RDH10: variants seen among roughly 807,000 people sequenced by gnomAD.
The protein encoded by RDH10 is retinol dehydrogenase 10, also known as retinol dehydrogenase 10 (all-trans).
Under a neutral mutation model 30.2 loss-of-function variants are expected in RDH10, and 12 were observed. The observed-to-expected ratio is 0.40, with a 90% confidence interval of 0.25 to 0.64. The LOEUF (loss-of-function observed/expected upper bound fraction) is 0.64, where lower values mean the gene tolerates loss of function less well. Ranked by LOEUF, RDH10 falls within the 30% of genes least tolerant of loss-of-function variation. The pLI is 0.43. For synonymous variants in RDH10, 189 were observed against 172.2 expected, an observed-to-expected ratio of 1.10 and a Z score of -0.76; for missense variants, 268 against 445.2, an observed-to-expected ratio of 0.60 and a Z score of 3.58.
chr8:73,314,563 C>T (rs1027551720), intron 2 of RDH10, among the ~76,000 whole-genome samples: 1 of 152,152 alleles, frequency 6.6e-6, no homozygotes, highest in Non-Finnish European at 1.5e-5. Context: ...AAAAGAAACC[C>T]GAGTGGTCCT....
chr8:73,323,279 A>G lies in RDH10; in HGVS notation c.*243A>G. 2.7e-6 allele frequency: 1 copy of G among 369,852 alleles called. No individual in the cohort carries two copies. Among genetic ancestry groups the G allele is most frequent in the South Asian group, 3.3e-5 (1 of 30,256 alleles). The allele number at this position is 369,852 out of a possible 1,614,324, so 22.9% of individuals were successfully genotyped here. On this transcript the variant is annotated 3_prime_UTR_variant, in exon 6 of 6. Transcript: ENST00000240285. ...TAGGCAGAACCCAGAAACCAGTCAA[A>G]TCTGTAGAGAAGCAGTGTGACATCT...
At chr8:73,320,627 A>G (rs1452412368) in intron 3 of RDH10, among the ~76,000 whole-genome samples, 1 of 151,752 alleles carries the variant, frequency 6.6e-6, no homozygotes, top group African/African-American at 2.4e-5. Context: ...CAGGCCCACC[A>G]TGCCCAGCTA....
At chr8:73,303,853 T>C (rs757906745) in intron 2 of RDH10, among the ~76,000 whole-genome samples, 7 of 152,186 alleles carry the variant, frequency 4.6e-5, no homozygotes, top group African/African-American at 1.7e-4. Flanking sequence ...TGATAAAATA[T>C]CACTTTACAT....
At chr8:73,300,524 AG>A (rs1297109190) in intron 2 of RDH10, 1 of 152,260 alleles carries the variant, frequency 6.6e-6, no homozygotes, top group African/African-American at 2.4e-5. Context: ...AGCTGAGCAA[AG>A]AACTGTTCAG....
In RDH10 at chr8:73,308,143, T is replaced by C. The variant is rs145554028; in HGVS notation, c.525+10714T>C. On this transcript the variant is annotated intron_variant, in intron 2 of 5. Coordinates refer to ENST00000240285, the MANE Select transcript of RDH10 (RefSeq NM_172037.5). ...AAAAGTCACGAATGGATAGGGCTCT[T>C]CTACAAGGACTGGCTGAACAAAGTT... Among the ~76,000 whole-genome samples the C allele has an allele frequency of 5.5e-4, 84 of 152,350 alleles. 2 individuals are homozygous for C. Among genetic ancestry groups the C allele is most frequent in the African/African-American group, 1.9e-3 (81 of 41,576 alleles).
intron 2 of RDH10, among the ~76,000 whole-genome samples, chr8:73,306,046 C>T (rs1814458869): frequency 6.6e-6 from 1 of 152,348 alleles, no homozygotes; most frequent in African/African-American, 2.4e-5. Context: ...TGGAAAATAA[C>T]TCAGAAGATG....
chr8:73,300,097 G>A (rs1372284515), intron 2 of RDH10, among the ~76,000 whole-genome samples: 1 of 152,136 alleles, frequency 6.6e-6, no homozygotes, highest in Non-Finnish European at 1.5e-5. Flanking sequence ...ACGTCACTTT[G>A]TATTAAAATA....
Position 73,322,970 on chromosome 8 carries a change from T to C in RDH10, c.960T>C (p.Cys320=). 6.2e-7 allele frequency: 1 copy of C among 1,613,866 alleles called. No individual in the cohort carries two copies. Among genetic ancestry groups the C allele is most frequent in the Non-Finnish European group, 8.5e-7 (1 of 1,179,738 alleles). The change falls in exon 6 of 6, where the codon TGT becomes TGC. Residue 320 remains cysteine, a synonymous_variant. Coordinates refer to ENST00000240285, the MANE Select transcript of RDH10 (RefSeq NM_172037.5). ...ATCGGTTCCTAGGAGCGGACAAGTG[T>C]ATGTACCCCTTTATTGCTCAAAGAA... ...CMYRFLGADK[C]MYPFIAQRKQ...
rs575924387 is a variant in RDH10, at chr8:73,323,505, A to G, written c.*469A>G. 1.9e-5 allele frequency: 3 copies of G among 158,104 alleles called. No individual in the cohort carries two copies. Among genetic ancestry groups the G allele is most frequent in the South Asian group, 3.6e-4 (2 of 5,512 alleles). The allele number at this position is 158,104 out of a possible 1,614,324, so 9.8% of individuals were successfully genotyped here. A position where few individuals can be genotyped will look rare whatever the true frequency, so the allele number is the denominator to read the frequency against. Reference sequence around the variant, plus strand: ...TCTAAGTTTCCGTTTTGCAAGGCCTAGGTGACTTTTTCATGGTGTTTGTAT... The same window carrying G: ...TCTAAGTTTCCGTTTTGCAAGGCCTGGGTGACTTTTTCATGGTGTTTGTAT... On this transcript the variant is annotated 3_prime_UTR_variant, in exon 6 of 6. Transcript: ENST00000240285.
At chr8:73,321,310 G>A (rs1020807284) in intron 4 of RDH10, among the ~76,000 whole-genome samples, 1 of 152,178 alleles carries the variant, frequency 6.6e-6, no homozygotes, top group African/African-American at 2.4e-5. Flanking sequence ...GATAGGAAAT[G>A]GCTTCTCTGT....
In RDH10 at chr8:73,321,259, C is replaced by T. The variant is rs1408256257; in HGVS notation, c.770+182C>T. On this transcript the variant is annotated intron_variant, in intron 4 of 5. Coordinates refer to ENST00000240285, the MANE Select transcript of RDH10 (RefSeq NM_172037.5). Reference sequence around the variant, plus strand: ...ATTTGCAAAGGAGAGACTGGTGCTACACACTGATACTAATTTGCAGAAATT... The same window carrying T: ...ATTTGCAAAGGAGAGACTGGTGCTATACACTGATACTAATTTGCAGAAATT... Among the ~76,000 whole-genome samples the T allele has an allele frequency of 3.3e-5, 5 of 152,210 alleles. No individual in the cohort carries two copies. In the East Asian group the frequency reaches 9.6e-4, roughly 29 times the overall value.
chr8:73,324,830 T>C lies in RDH10; in HGVS notation c.*1794T>C, dbSNP rs988684102. 6.6e-6 allele frequency: 1 copy of C among 152,220 alleles called. No homozygotes were observed. Among genetic ancestry groups the C allele is most frequent in the Non-Finnish European group, 1.5e-5 (1 of 68,034 alleles). 9.4% of individuals were successfully genotyped at this position (152,220 alleles called of 1,614,324 possible). On this transcript the variant is annotated 3_prime_UTR_variant, in exon 6 of 6. Coordinates refer to ENST00000240285, the MANE Select transcript of RDH10 (RefSeq NM_172037.5). ...TAGTTTGGCTGCACCACAGATCAAA[T>C]CTGCACTGTGTCTACATATAGGAAA... is the stretch of plus-strand genomic sequence containing the variant.
Position 73,319,100 on chromosome 8 carries a change from C to G in RDH10, c.530C>G (p.Thr177Ser). The G allele has an allele frequency of 6.2e-7, 1 of 1,607,942 alleles. No individual in the cohort carries two copies. The highest frequency in any genetic ancestry group is 1.1e-5 in the South Asian group (1 of 90,756). ...TTGAATCTTACTTTGTTTCAGACCA[C>G]TAAGGCTTTTCTTCCTACGATGCTG... is the stretch of plus-strand genomic sequence containing the variant. ...MVNCHAHFWT[T>S]KAFLPTMLEI... is the part of the protein sequence containing the mutation. The change falls in exon 3 of 6, where the codon ACT becomes AGT. Residue 177 changes from threonine to serine, a missense_variant. Physicochemically the swap from Thr to Ser is moderately conservative, Grantham distance 58. This residue lies in a region of RDH10 where 136 missense variants were observed against 288.8 expected (regional missense o/e 0.47). Coordinates refer to ENST00000240285, the MANE Select transcript of RDH10 (RefSeq NM_172037.5).
At chr8:73,295,738 A>G in intron 1 of RDH10, 160 bp downstream of exon 1, 1 of 943,824 alleles carries the variant, frequency 1.1e-6, no homozygotes, top group South Asian at 1.9e-5. Flanking sequence ...GCTTCCTGAT[A>G]AAGGAACGCG....
intron 2 of RDH10, among the ~76,000 whole-genome samples, chr8:73,316,254 G>A (rs1814662217): frequency 6.6e-6 from 1 of 152,164 alleles, no homozygotes; most frequent in Non-Finnish European, 1.5e-5. Flanking sequence ...CTGGGCTCAA[G>A]TGATCCTCCC....
intron 3 of RDH10, among the ~76,000 whole-genome samples, chr8:73,320,463 GTTTTTGTTTTTGTTTTTTT>G (rs1020746556): frequency 2.4e-5 from 3 of 125,956 alleles, no homozygotes; most frequent in African/African-American, 1.1e-4. Flanking sequence ...TTTTGTTTTT[GTTTTTGTTTTTGTTTTTTT>G]TTTTTTGAGA....
At position 73,320,912 on chromosome 8, in the gene RDH10, T is replaced by G. The variant is rs748558478; in HGVS notation, c.625-20T>G. 6.2e-7 allele frequency: 1 copy of G among 1,613,834 alleles called. No homozygotes were observed. The highest frequency in any genetic ancestry group is 1.1e-5 in the South Asian group (1 of 91,056). On this transcript the variant is annotated intron_variant, in intron 3 of 5. Transcript: ENST00000240285. ...GGGGCATATGCTTAGTATTTCTGCTTTCTCCCCTCTTTAACTCAGGATTAC... is the reference window on the plus strand; with the variant it reads ...GGGGCATATGCTTAGTATTTCTGCTGTCTCCCCTCTTTAACTCAGGATTAC...
chr8:73,300,669 T>C (rs187987518), intron 2 of RDH10, among the ~76,000 whole-genome samples: 3 of 152,348 alleles, frequency 2.0e-5, no homozygotes, highest in East Asian at 1.9e-4. Flanking sequence ...TAGAAAACCA[T>C]GTGGACTTCC....
In RDH10 at chr8:73,297,335, A is replaced by C; in HGVS notation, c.431A>C (p.Asn144Thr). Residue 144 changes from asparagine to threonine, a missense_variant, in exon 2 of 6, where the codon AAT (asparagine) becomes ACT (threonine). Transcript: ENST00000240285. ...GTTGGCGAAGTCTCAGTCCTGGTCA[A>C]TAATGCTGGTGTGGTCTCTGGGCAT... ...KEVGEVSVLV[N>T]NAGVVSGHHL... is the part of the protein sequence containing the mutation. 6.2e-7 allele frequency: 1 copy of C among 1,614,196 alleles called. No homozygotes were observed. Among genetic ancestry groups the C allele is most frequent in the Non-Finnish European group, 8.5e-7 (1 of 1,180,002 alleles).
Sources: allele counts gnomAD v4.1 joint callset (sites outside exome capture counted in the v4.1 genomes callset), GRCh38; gene constraint gnomAD v4.1.1; regional missense constraint gnomAD v4.1.1; transcripts MANE v1.5; gene names NCBI Gene and HGNC (gene_info 2026-07-23, HGNC 2026-07-21).